KLHL33: variants seen among roughly 807,000 people sequenced by gnomAD.
KLHL33 encodes kelch-like protein 33.
KLHL33 carries 46 observed loss-of-function variants against 60.8 expected under a neutral mutation model. That is an observed-to-expected ratio of 0.76 (90% CI 0.60 to 0.97). The LOEUF is 0.97. Ranked by LOEUF, KLHL33 falls within the 50% of genes least tolerant of loss-of-function variation. The pLI, the probability that KLHL33 is intolerant of heterozygous loss-of-function variation, is 0.00. For synonymous variants in KLHL33, 434 were observed against 432.2 expected (o/e 1.00, Z -0.05); for missense variants, 1,055 against 1,000.0 (o/e 1.05, Z -0.74).
In KLHL33 at chr14:20,428,885, C is replaced by A; in HGVS notation, c.2358G>T (p.Leu786Phe). 4 of 1,551,660 alleles carry A rather than the reference C, an allele frequency of 2.6e-6. No homozygotes were observed. In the South Asian group the frequency reaches 4.8e-5, roughly 18 times the overall value. ...GTTTGGTTTGGTGTGGGGTGGGAACCAAAGCTATGTGCTGCACAGCGGGCA... is the reference window on the plus strand; with the variant it reads ...GTTTGGTTTGGTGTGGGGTGGGAACAAAAGCTATGTGCTGCACAGCGGGCA... Reference protein sequence around the residue: ...LTLPAVQHIALVPTPHQTKPA... With the variant: ...LTLPAVQHIAFVPTPHQTKPA... Residue 786 changes from leucine (L) to phenylalanine (F), a missense_variant, in exon 5 of 5, where the codon TTG (leucine) becomes TTT (phenylalanine). Physicochemically the swap from Leu to Phe is conservative, Grantham distance 22. Coordinates refer to ENST00000636854, the MANE Select transcript of KLHL33 (RefSeq NM_001365790.2).
In KLHL33 at chr14:20,429,487, C is replaced by T. The variant is rs1363477539; in HGVS notation, c.1841+15G>A. ...AGTCTCCTAATCTCTCCCAGATGCC[C>T]CCTTGCCTGCTTACCTCCAGACATT... On this transcript the variant is annotated intron_variant, in intron 4 of 4. Transcript: ENST00000636854. 6.4e-7 allele frequency: 1 copy of T among 1,551,938 alleles called. No individual in the cohort carries two copies. The highest frequency in any genetic ancestry group is 1.4e-5 in the African/African-American group (1 of 73,038).
chr14:20,435,071 C>T lies in KLHL33; in HGVS notation c.741G>A (p.Gln247=). The change falls in exon 2 of 5, where the codon CAG becomes CAA. Residue 247 remains glutamine, a synonymous_variant. Transcript: ENST00000636854. ...CDLKLEAGGC[Q]LSVHRAALAC... ...TGCCCCACAGGCCCTCACCCGACAG[C>T]TGGCAGCCGCCTGCCTCCAGCTTCA... is the stretch of plus-strand genomic sequence containing the variant. 1 of 1,234,504 alleles carries T rather than the reference C, an allele frequency of 8.1e-7. No homozygotes were observed. Among genetic ancestry groups the T allele is most frequent in the Non-Finnish European group, 1.0e-6 (1 of 988,222 alleles). The allele number at this position is 1,234,504 out of a possible 1,614,324, so 76.5% of individuals were successfully genotyped here. A position where few individuals can be genotyped will look rare whatever the true frequency, so the allele number is the denominator to read the frequency against.
In KLHL33 at chr14:20,428,519, G is replaced by T; in HGVS notation, c.*330C>A. 3.6e-6 allele frequency: 1 copy of T among 279,980 alleles called. No individual in the cohort carries two copies. Among genetic ancestry groups the T allele is most frequent in the Non-Finnish European group, 6.8e-6 (1 of 147,814 alleles). The allele number at this position is 279,980 out of a possible 1,614,324, so 17.3% of individuals were successfully genotyped here. On this transcript the variant is annotated 3_prime_UTR_variant, in exon 5 of 5. Coordinates refer to ENST00000636854, the MANE Select transcript of KLHL33 (RefSeq NM_001365790.2). Reference sequence around the variant, plus strand: ...CCATTTTTCCAACTGTCCTCCCATGGTCTCTACACTTTGGCTACTGAAGCT... The same window carrying T: ...CCATTTTTCCAACTGTCCTCCCATGTTCTCTACACTTTGGCTACTGAAGCT...
chr14:20,436,130 C>CT lies in KLHL33; in HGVS notation c.-52dup, dbSNP rs1186845854. 4 of 210,362 alleles carry CT rather than the reference C, an allele frequency of 1.9e-5. No individual in the cohort carries two copies. The highest frequency in any genetic ancestry group is 3.7e-5 in the Non-Finnish European group (4 of 106,880). 13.0% of individuals were successfully genotyped at this position (210,362 alleles called of 1,614,324 possible). ...GAGACACCAGCGTTCCGCTTGCCCTCTCACTTAAGCGCCCGCTGTGCTTGG... is the reference window on the plus strand; with the variant it reads ...GAGACACCAGCGTTCCGCTTGCCCTCTTCACTTAAGCGCCCGCTGTGCTTGG... On this transcript the variant is annotated 5_prime_UTR_variant, in exon 1 of 5. Transcript: ENST00000636854.
Position 20,429,177 on chromosome 14 carries a change from C to T in KLHL33, c.2066G>A (p.Gly689Glu), listed in dbSNP as rs1231097268. The T allele has an allele frequency of 1.3e-6, 2 of 1,551,680 alleles. No individual in the cohort carries two copies. Among genetic ancestry groups the T allele is most frequent in the Admixed American group, 3.9e-5 (2 of 51,002 alleles). Reference protein sequence around the residue: ...ALGGRLYVAGGLGETEDLLSF... With the variant: ...ALGGRLYVAGELGETEDLLSF... ...TAGCAGGTCCTCAGTCTCACCCAGC[C>T]CACCTGCCACATACAACCTCCCACC... is the stretch of plus-strand genomic sequence containing the variant. Residue 689 changes from glycine to glutamate, a missense_variant, in exon 5 of 5, where the codon GGG becomes GAG. Physicochemically the swap from Gly to Glu is moderately conservative, Grantham distance 98. Coordinates refer to ENST00000636854, the MANE Select transcript of KLHL33 (RefSeq NM_001365790.2).
intron 2 of KLHL33, 70 bp downstream of exon 2, chr14:20,434,994 C>G: frequency 8.4e-7 from 1 of 1,196,710 alleles, no homozygotes; most frequent in East Asian, 3.2e-5. Context: ...GATAAAACCA[C>G]CTGCTGCTTG....
Position 20,435,754 on chromosome 14 carries a change from C to A in KLHL33, c.58G>T (p.Val20Phe). 8.1e-7 allele frequency: 1 copy of A among 1,234,374 alleles called. No homozygotes were observed. 76.5% of individuals were successfully genotyped at this position (1,234,374 alleles called of 1,614,324 possible). The change falls in exon 2 of 5, where the codon GTC becomes TTC. Residue 20 changes from valine (V) to phenylalanine (F), a missense_variant. Val to Phe is a conservative substitution (Grantham distance 50). Coordinates refer to ENST00000636854, the MANE Select transcript of KLHL33 (RefSeq NM_001365790.2). ...PPELESVSHP[V>F]QRDCLGLLVH... The stretch of plus-strand genomic sequence containing the variant: ...AGGAGTCCAAGGCAGTCCCTCTGGA[C>A]GGGATGAGAGACACTCTCCAGCTCA...
In KLHL33 at chr14:20,429,547, GCAACATCA is replaced by G; in HGVS notation, c.1788_1795del (p.Asp597ProfsTer10). ...GTTGTAGGTCTCCACAGAGTCCAGG[GCAACATCA>G]TTGTGTCTTCCACCCAGGGCATAAA... is the stretch of plus-strand genomic sequence containing the variant. On this transcript the variant is annotated frameshift_variant, in exon 4 of 5. Coordinates refer to ENST00000636854, the MANE Select transcript of KLHL33 (RefSeq NM_001365790.2). LOFTEE classifies it high-confidence loss of function. 6.4e-7 allele frequency: 1 copy of G among 1,552,152 alleles called. No individual in the cohort carries two copies. The highest frequency in any genetic ancestry group is 8.7e-7 in the Non-Finnish European group (1 of 1,147,104).
Position 20,435,448 on chromosome 14 carries a change from G to A in KLHL33, c.364C>T (p.Arg122Trp). ...LLDEEVSVAG[R>W]VYGVHRVILA... Reference sequence around the variant, plus strand: ...ATCACCCGATGCACCCCGTATACCCGCCCCGCGACTGACACCTCTTCGTCC... The same window carrying A: ...ATCACCCGATGCACCCCGTATACCCACCCCGCGACTGACACCTCTTCGTCC... The change falls in exon 2 of 5, where the codon CGG becomes TGG. Residue 122 changes from arginine (R) to tryptophan (W), a missense_variant. Transcript: ENST00000636854. The A allele has an allele frequency of 8.1e-7, 1 of 1,234,394 alleles. No individual in the cohort carries two copies. The highest frequency in any genetic ancestry group is 2.1e-4 in the Middle Eastern group (1 of 4,840). 76.5% of individuals were successfully genotyped at this position (1,234,394 alleles called of 1,614,324 possible).
chr14:20,435,665 G>A lies in KLHL33; in HGVS notation c.147C>T (p.Ser49=). 8.1e-7 allele frequency: 1 copy of A among 1,234,918 alleles called. No homozygotes were observed. The highest frequency in any genetic ancestry group is 1.0e-6 in the Non-Finnish European group (1 of 988,538). The allele number at this position is 1,234,918 out of a possible 1,614,324, so 76.5% of individuals were successfully genotyped here. ...TGGAACCAGGCTCCTCCAGAGGAAA[G>A]GAAGGCAATCTGGGATCCTCGTCGG... is the stretch of plus-strand genomic sequence containing the variant. ...PSPDEDPRLP[S]FPLEEPGSRP... is the part of the protein sequence containing the mutation. The change falls in exon 2 of 5, where the codon TCC becomes TCT. Residue 49 remains serine (S), a synonymous_variant. Coordinates refer to ENST00000636854, the MANE Select transcript of KLHL33 (RefSeq NM_001365790.2).
rs557608965 is a variant in KLHL33 at position 20,429,617 on chromosome 14, G to A, written c.1726C>T (p.Arg576Ter). Residue 576 changes from arginine to a stop codon, truncating the protein, a stop_gained, in exon 4 of 5, where the codon CGA (arginine) becomes TGA (stop). Coordinates refer to ENST00000636854, the MANE Select transcript of KLHL33 (RefSeq NM_001365790.2). LOFTEE classifies it high-confidence loss of function. ...AGTGCCACCAAGGAGAAAAGGCTTC[G>A]AGCCTGGGACAAAGGAGCCATCTCC... ...WEEMAPLSQA[R>*]SLFSLVALDG... 3.6e-5 allele frequency: 56 copies of A among 1,551,774 alleles called. 1 individual carries two copies. The South Asian group carries it at 5.2e-4, about 15-fold the overall frequency.
Position 20,430,654 on chromosome 14 carries a change from C to A in KLHL33, c.814G>T (p.Glu272Ter). The A allele has an allele frequency of 1.3e-6, 2 of 1,535,306 alleles. No homozygotes were observed. Among genetic ancestry groups the A allele is most frequent in the Non-Finnish European group, 1.7e-6 (2 of 1,146,738 alleles). Residue 272 changes from glutamate (E) to a stop codon, truncating the protein, a stop_gained, in exon 3 of 5, where the codon GAA becomes TAA. Transcript: ENST00000636854. LOFTEE classifies it high-confidence loss of function. ...FGAMLLSGMR[E>*]SQGTEVSLRT... is the part of the protein sequence containing the mutation. ...AGAGATACCTCTGTGCCCTGGGATT[C>A]CCTCATCCCGCTCAGGAGCATGGCC...
rs1303555368 is a variant in KLHL33, at chr14:20,426,811, A to C, written c.*2038T>G. 2 of 152,164 alleles carry C rather than the reference A, an allele frequency of 1.3e-5. No homozygotes were observed. The allele number at this position is 152,164 out of a possible 1,614,324, so 9.4% of individuals were successfully genotyped here. On this transcript the variant is annotated 3_prime_UTR_variant, in exon 5 of 5. Transcript: ENST00000636854. Reference sequence around the variant, plus strand: ...TGTCCAACAATGATAGACCGGATTAAGAAAATGTGGCACATATACACCATG... The same window carrying C: ...TGTCCAACAATGATAGACCGGATTACGAAAATGTGGCACATATACACCATG...
chr14:20,429,680 T>C lies in KLHL33; in HGVS notation c.1674-11A>G. The C allele has an allele frequency of 1.3e-6, 2 of 1,549,552 alleles. No individual in the cohort carries two copies. The highest frequency in any genetic ancestry group is 2.4e-5 in the South Asian group (2 of 83,936). ...TGACTGGGCTCCCACCTGGACACAG[T>C]AGGACAAGAGATTGGAAGAGGGACT... On this transcript the variant is annotated splice_polypyrimidine_tract_variant and intron_variant, in intron 3 of 4. Transcript: ENST00000636854.
intron 2 of KLHL33, among the ~76,000 whole-genome samples, chr14:20,432,465 A>AT (rs1880537343): frequency 6.8e-6 from 1 of 147,396 alleles, no homozygotes; most frequent in Admixed American, 6.8e-5. Context: ...ATATAAAGTA[A>AT]TAAAAAAAAA....
At position 20,427,064 on chromosome 14, in the gene KLHL33, A is replaced by G. The variant is rs1189142364; in HGVS notation, c.*1785T>C. The G allele has an allele frequency of 6.6e-6, 1 of 150,728 alleles. No individual in the cohort carries two copies. The highest frequency in any genetic ancestry group is 2.4e-5 in the African/African-American group (1 of 40,962). 9.3% of individuals were successfully genotyped at this position (150,728 alleles called of 1,614,324 possible). The stretch of plus-strand genomic sequence containing the variant: ...GGGGGGAGGGGGGAAGGATAGCATT[A>G]GGAGATATACCTAATGCTAAATGAC... On this transcript the variant is annotated 3_prime_UTR_variant, in exon 5 of 5. Transcript: ENST00000636854.
In KLHL33 at chr14:20,426,714, T is replaced by C. The variant is rs1178292853; in HGVS notation, c.*2135A>G. 1 of 152,092 alleles carries C rather than the reference T, an allele frequency of 6.6e-6. No homozygotes were observed. The highest frequency in any genetic ancestry group is 1.9e-4 in the East Asian group (1 of 5,190). 9.4% of individuals were successfully genotyped at this position (152,092 alleles called of 1,614,324 possible). ...CCCAAAGGAATATAAATCATGCCGC[T>C]ATAAAGACACATGCACACATATGTT... On this transcript the variant is annotated 3_prime_UTR_variant, in exon 5 of 5. Transcript: ENST00000636854.
Position 20,429,081 on chromosome 14 carries a change from C to T in KLHL33, c.2162G>A (p.Gly721Glu), listed in dbSNP as rs1355203607. The part of the protein sequence containing the change: ...HLAPLPSPHV[G>E]AASAVLQGEL... Reference sequence around the variant, plus strand: ...CCCCTGCAGCACAGCACTTGCAGCCCCCACATGGGGGGAGGGTAGGGGTGC... The same window carrying T: ...CCCCTGCAGCACAGCACTTGCAGCCTCCACATGGGGGGAGGGTAGGGGTGC... Residue 721 changes from glycine (G) to glutamate (E), a missense_variant, in exon 5 of 5, where the codon GGG (glycine) becomes GAG (glutamate). Transcript: ENST00000636854. The T allele has an allele frequency of 6.4e-7, 1 of 1,551,716 alleles. No individual in the cohort carries two copies. Among genetic ancestry groups the T allele is most frequent in the Non-Finnish European group, 8.7e-7 (1 of 1,146,998 alleles).
intron 2 of KLHL33, among the ~76,000 whole-genome samples, chr14:20,434,522 C>G (rs1479508208): frequency 2.0e-5 from 3 of 147,594 alleles, no homozygotes; most frequent in African/African-American, 7.6e-5. Context: ...GCCTGGGCAA[C>G]AGAGTGAGAT....
Sources: allele counts gnomAD v4.1 joint callset (sites outside exome capture counted in the v4.1 genomes callset), GRCh38; gene constraint gnomAD v4.1.1; transcripts MANE v1.5; gene names NCBI Gene and HGNC (gene_info 2026-07-23, HGNC 2026-07-21).